Variants in CCPG1 observed in about 807,000 individuals in gnomAD.
CCPG1 encodes the protein cell cycle progression protein 1.
In CCPG1, 46 loss-of-function variants were observed where a neutral mutation model predicts 81.3. The observed-to-expected ratio is 0.57, with a 90% CI of 0.45 to 0.72. The LOEUF is 0.72. Among genes scored for constraint, CCPG1 ranks in the 30% least tolerant of loss-of-function variants. The pLI is 0.00. For missense variants in CCPG1, 902 were observed against 937.6 expected (o/e 0.96, Z 0.50); for synonymous variants, 330 against 305.2 (o/e 1.08, Z -0.85).
At chr15:55,375,222 T>C (rs1024386262) in intron 5 of CCPG1, among the ~76,000 whole-genome samples, 1 of 152,176 alleles carries the variant, frequency 6.6e-6, no homozygotes, top group African/African-American at 2.4e-5. Context: ...TTCTTTCTTT[T>C]TTTGAGATGG....
chr15:55,403,273 A>C (rs1347306408), intron 1 of CCPG1, among the ~76,000 whole-genome samples: 1 of 152,224 alleles, frequency 6.6e-6, no homozygotes, highest in Non-Finnish European at 1.5e-5. Context: ...TATAAATAAT[A>C]ACTTCCTCAA....
intron 1 of CCPG1, chr15:55,407,873 G>C (rs1279120780): frequency 6.6e-6 from 1 of 152,584 alleles, no homozygotes; most frequent in African/African-American, 2.4e-5. Flanking sequence ...AGTCCAGACC[G>C]ACAAGCACCT....
At chr15:55,403,248 A>G (rs1370020809) in intron 1 of CCPG1, among the ~76,000 whole-genome samples, 1 of 152,234 alleles carries the variant, frequency 6.6e-6, no homozygotes. Flanking sequence ...TTCCAAATGA[A>G]AACGAACAGA....
intron 6 of CCPG1, 88 bp downstream of exon 6, chr15:55,371,705 C>G: frequency 7.6e-7 from 1 of 1,308,470 alleles, no homozygotes; most frequent in Non-Finnish European, 1.1e-6. Context: ...TTAATAATGG[C>G]ACTGAAAACA....
intron 1 of CCPG1, among the ~76,000 whole-genome samples, chr15:55,397,432 CAAG>C (rs58613850): frequency 0.18 from 26,810 of 151,914 alleles, 4,058 homozygotes; most frequent in African/African-American, 0.42. Flanking sequence ...AAGGCAGAAG[CAAG>C]AAGTTCATTT....
intron 3 of CCPG1, among the ~76,000 whole-genome samples, chr15:55,384,966 T>C (rs1220205444): frequency 1.3e-5 from 2 of 152,170 alleles, no homozygotes; most frequent in African/African-American, 2.4e-5. Flanking sequence ...AAATACAAAC[T>C]ACCAAACAAA....
intron 8 of CCPG1, chr15:55,358,347 G>A (rs984392446): frequency 9.6e-5 from 94 of 983,664 alleles, no homozygotes; most frequent in Non-Finnish European, 1.1e-4. Context: ...CATATATCCT[G>A]AAGATAAGGG....
intron 2 of CCPG1, among the ~76,000 whole-genome samples, chr15:55,386,482 C>A (rs2056801222): frequency 6.6e-6 from 1 of 152,162 alleles, no homozygotes; most frequent in South Asian, 2.1e-4. Context: ...ACAAAGTTAA[C>A]CACTAAGGTG....
At chr15:55,391,711 C>T (rs559088424) in intron 1 of CCPG1, among the ~76,000 whole-genome samples, 19 of 151,796 alleles carry the variant, frequency 1.3e-4, no homozygotes, top group Admixed American at 7.9e-4. Flanking sequence ...TTTCTGGAGC[C>T]GGAAGCAGTG....
chr15:55,377,383 G>A (rs929641206), intron 4 of CCPG1, among the ~76,000 whole-genome samples: 5 of 152,100 alleles, frequency 3.3e-5, no homozygotes, highest in African/African-American at 1.2e-4. Context: ...CTCCTAGTGG[G>A]CTGCAGAAGC....
At chr15:55,361,578 C>G (rs1157211817) in intron 7 of CCPG1, among the ~76,000 whole-genome samples, 1 of 151,324 alleles carries the variant, frequency 6.6e-6, no homozygotes, top group Non-Finnish European at 1.5e-5. Context: ...TGGTGGCATG[C>G]ACCTGTAGTC....
chr15:55,368,542 CGAG>C (rs1209943705), intron 6 of CCPG1, among the ~76,000 whole-genome samples: 1 of 152,068 alleles, frequency 6.6e-6, no homozygotes, highest in African/African-American at 2.4e-5. Flanking sequence ...TAAAGCAACT[CGAG>C]GAGAAAACCA....
intron 7 of CCPG1, 94 bp downstream of exon 7, chr15:55,365,094 G>A: frequency 1.4e-6 from 1 of 721,360 alleles, no homozygotes; most frequent in Non-Finnish European, 2.3e-6. Flanking sequence ...CATTATTACT[G>A]ATTTACTAAT....
intron 7 of CCPG1, among the ~76,000 whole-genome samples, chr15:55,363,443 C>T (rs2141248924): frequency 6.6e-6 from 1 of 150,524 alleles, no homozygotes; most frequent in African/African-American, 2.4e-5. Context: ...TTCCAAAAGC[C>T]AATGTTATCC....
At chr15:55,397,513 C>T (rs909118079) in intron 1 of CCPG1, among the ~76,000 whole-genome samples, 2 of 152,070 alleles carry the variant, frequency 1.3e-5, no homozygotes, top group African/African-American at 2.4e-5. Context: ...GCAGTGAAGA[C>T]AGTGAGAAAT....
At chr15:55,369,213 G>C (rs2056396684) in intron 6 of CCPG1, among the ~76,000 whole-genome samples, 1 of 151,820 alleles carries the variant, frequency 6.6e-6, no homozygotes, top group African/African-American at 2.4e-5. Flanking sequence ...CAACTCCAAA[G>C]AATGTTGAGA....
At chr15:55,363,052 A>C (rs565259678) in intron 7 of CCPG1, among the ~76,000 whole-genome samples, 1 of 151,816 alleles carries the variant, frequency 6.6e-6, no homozygotes, top group East Asian at 1.9e-4. Flanking sequence ...TAAAAAACAA[A>C]AACAAAAAAA....
intron 1 of CCPG1, chr15:55,398,369 A>C (rs1475662274): frequency 6.6e-6 from 1 of 152,164 alleles, no homozygotes; most frequent in Non-Finnish European, 1.5e-5. Flanking sequence ...TTCCGAAGTA[A>C]GGCAACCAAT....
chr15:55,375,886 C>T (rs1242353866), intron 5 of CCPG1, among the ~76,000 whole-genome samples: 1 of 151,922 alleles, frequency 6.6e-6, no homozygotes, highest in East Asian at 1.9e-4. Context: ...GATGAGGTCT[C>T]GCTATGTTGC....
Sources: gnomAD v4.1 joint callset for allele counts (sites outside exome capture counted in the v4.1 genomes callset) on GRCh38, gnomAD v4.1.1 for gene constraint, MANE v1.5 for transcripts, NCBI Gene and HGNC (gene_info 2026-07-23, HGNC 2026-07-21) for gene names.